PRKX: variants seen among roughly 807,000 people sequenced by gnomAD.
The protein encoded by PRKX is protein kinase cAMP-dependent X-linked catalytic subunit.
Under a neutral mutation model 22.0 loss-of-function variants are expected in PRKX, and 12 were observed. The ratio of observed to expected loss-of-function variants is 0.54; its 90% CI spans 0.35 to 0.88. The LOEUF (loss-of-function observed/expected upper bound fraction) is 0.88, where lower values mean the gene tolerates loss of function less well. Ranked by LOEUF, PRKX falls within the 40% of genes least tolerant of loss-of-function variation. The pLI, the probability that PRKX is intolerant of heterozygous loss-of-function variation, is 0.01. For missense variants in PRKX, 217 were observed against 308.0 expected (o/e 0.70, Z 2.21); for synonymous variants, 134 against 137.7 (o/e 0.97, Z 0.19).
rs1442141660 is a variant in PRKX, at chrX:3,606,741, C to A, written c.*2228G>T. 8.9e-6 allele frequency: 1 copy of A among 112,072 alleles called. No homozygotes were observed. Among genetic ancestry groups the A allele is most frequent in the Non-Finnish European group, 1.9e-5 (1 of 53,246 alleles). The allele number at this position is 112,072 out of a possible 1,213,427, so 9.2% of individuals were successfully genotyped here. ...TATAGCTCATTTTGATTAAATTAAC[C>A]TCTACATGACATTGGGCCATTTAAA... On this transcript the variant is annotated 3_prime_UTR_variant, in exon 9 of 9. Coordinates refer to ENST00000262848, the MANE Select transcript of PRKX (RefSeq NM_005044.5).
At chrX:3,612,507 C>A (rs1338672753) in intron 7 of PRKX, among the ~76,000 whole-genome samples, 182 bp from the exon 8 acceptor site, 1 of 111,891 alleles carries the variant, frequency 8.9e-6, no homozygotes, top group Non-Finnish European at 1.9e-5. Flanking sequence ...GTGAATGAGG[C>A]TGCGTGTGGG....
rs768257939 is a variant in PRKX, at chrX:3,621,460, C to CT, written c.816-145dup. ...CACTTTGGCAAAACACTTTCTAGTG[C>CT]TTATTTCCTACCATCACCGGCTCTT... On this transcript the variant is annotated intron_variant, in intron 5 of 8. Coordinates refer to ENST00000262848, the MANE Select transcript of PRKX (RefSeq NM_005044.5). 2.9e-5 allele frequency: 15 copies of CT among 519,517 alleles called. No individual in the cohort carries two copies. In the East Asian group the frequency reaches 5.3e-4, roughly 18 times the overall value. The allele number at this position is 519,517 out of a possible 1,213,427, so 42.8% of individuals were successfully genotyped here.
chrX:3,628,680 G>A (rs753260657), intron 4 of PRKX, among the ~76,000 whole-genome samples: 1 of 111,390 alleles, frequency 9.0e-6, no homozygotes, highest in Non-Finnish European at 1.9e-5. Flanking sequence ...AGGCTGCAGT[G>A]AGCTGTGATC....
At chrX:3,663,630 TAAAAAAA>T (rs780899033) in intron 2 of PRKX, among the ~76,000 whole-genome samples, 6 of 66,224 alleles carry the variant, frequency 9.1e-5, no homozygotes, top group African/African-American at 3.6e-4. Flanking sequence ...CCACATCTCT[TAAAAAAA>T]AAAAAAAAAA....
chrX:3,643,335 C>T (rs1041690421), intron 3 of PRKX, among the ~76,000 whole-genome samples: 1 of 111,773 alleles, frequency 8.9e-6, no homozygotes, highest in African/African-American at 3.3e-5. Flanking sequence ...TTGCACTCTG[C>T]AAACGGCGAG....
intron 4 of PRKX, among the ~76,000 whole-genome samples, chrX:3,634,100 A>T (rs1926839364): frequency 9.2e-6 from 1 of 109,261 alleles, no homozygotes; most frequent in South Asian, 4.1e-4. Context: ...AAATACAAAA[A>T]TTAGCCAGGC....
intron 8 of PRKX, 44 bp downstream of exon 8, chrX:3,612,133 G>A (rs778444616): frequency 5.3e-6 from 6 of 1,133,400 alleles, no homozygotes; most frequent in African/African-American, 3.6e-5. Flanking sequence ...ATGTGGGGTC[G>A]AGTCAGTCTC....
chrX:3,707,143 A>C (rs1260454208), intron 1 of PRKX, among the ~76,000 whole-genome samples: 1 of 110,963 alleles, frequency 9.0e-6, no homozygotes, highest in Non-Finnish European at 1.9e-5. Context: ...AAAAAAGCAA[A>C]AAGAAAATAA....
At chrX:3,676,438 C>T in intron 1 of PRKX, among the ~76,000 whole-genome samples, 1 of 111,689 alleles carries the variant, frequency 9.0e-6, no homozygotes, top group South Asian at 3.8e-4. Context: ...CCTGCACTCC[C>T]ATGTTTATGA....
At chrX:3,636,245 G>A (rs1165796946) in intron 4 of PRKX, among the ~76,000 whole-genome samples, 3 of 112,109 alleles carry the variant, frequency 2.7e-5, no homozygotes, top group Admixed American at 1.9e-4. Context: ...ATGGAGCTGC[G>A]ATAGGAAAGG....
At chrX:3,611,824 A>G (rs1460408999) in intron 8 of PRKX, among the ~76,000 whole-genome samples, 1 of 111,405 alleles carries the variant, frequency 9.0e-6, no homozygotes, top group Non-Finnish European at 1.9e-5. Flanking sequence ...TAATTATTCT[A>G]AGGAAGCTCG....
intron 3 of PRKX, among the ~76,000 whole-genome samples, chrX:3,643,008 A>AG: frequency 9.9e-6 from 1 of 100,845 alleles, no homozygotes; most frequent in Non-Finnish European, 2.0e-5. Flanking sequence ...CTCTCTCAAA[A>AG]AAAAAAAAAA....
chrX:3,701,565 A>T (rs1203488199), intron 1 of PRKX, among the ~76,000 whole-genome samples: 1 of 112,489 alleles, frequency 8.9e-6, no homozygotes, highest in Non-Finnish European at 1.9e-5. Flanking sequence ...GTCTCCAACC[A>T]TAAGCTAGTT....
intron 3 of PRKX, among the ~76,000 whole-genome samples, chrX:3,650,004 G>A (rs1927285062): frequency 9.1e-6 from 1 of 109,735 alleles, no homozygotes; most frequent in Non-Finnish European, 1.9e-5. Flanking sequence ...GCCAGGCAGG[G>A]TGTGCAAGCC....
intron 6 of PRKX, among the ~76,000 whole-genome samples, chrX:3,621,049 T>C (rs1161222630): frequency 2.7e-5 from 3 of 111,334 alleles, no homozygotes; most frequent in Admixed American, 1.9e-4. Flanking sequence ...CAGTTTGACG[T>C]TGTGGGCCCA....
rs1388925697 is a variant in PRKX at position 3,612,300 on chromosome X, C to G, written c.977G>C (p.Gly326Ala). ...TTCGAAGTTGGAAGTGTCGCCGTCA[C>G]CAGCTATCTTGGGCACGATGGGAGG... ...LKPPIVPKIAGDGDTSNFETY... is the reference protein window; with the variant it reads ...LKPPIVPKIAADGDTSNFETY... The change falls in exon 8 of 9, where the codon GGT (glycine) becomes GCT (alanine). Residue 326 changes from glycine to alanine, a missense_variant. Transcript: ENST00000262848. 1 of 1,210,765 alleles carries G rather than the reference C, an allele frequency of 8.3e-7. No homozygotes were observed. Among genetic ancestry groups the G allele is most frequent in the Non-Finnish European group, 1.1e-6 (1 of 895,197 alleles).
chrX:3,713,194 C>T lies in PRKX; in HGVS notation c.60G>A (p.Ala20=). The T allele has an allele frequency of 9.1e-7, 1 of 1,102,003 alleles. No individual in the cohort carries two copies. Among genetic ancestry groups the T allele is most frequent in the Non-Finnish European group, 1.2e-6 (1 of 850,567 alleles). The allele number at this position is 1,102,003 out of a possible 1,213,427, so 90.8% of individuals were successfully genotyped here. Residue 20 remains alanine (A), a synonymous_variant, in exon 1 of 9, where the codon GCG becomes GCA. Coordinates refer to ENST00000262848, the MANE Select transcript of PRKX (RefSeq NM_005044.5). ...CGGGCGCCCCGTCGGGGGTCTCCTC[C>T]GCCACCTTGCGGGAGTCGCTCTCCG... is the stretch of plus-strand genomic sequence containing the variant. ...AAAESDSRKV[A]EETPDGAPAL...
chrX:3,667,003 T>A (rs987225302), intron 2 of PRKX, among the ~76,000 whole-genome samples: 29 of 110,800 alleles, frequency 2.6e-4, no homozygotes, highest in Non-Finnish European at 4.5e-4. Flanking sequence ...TAAAGAATGT[T>A]TTCCAGCATA....
Position 3,682,773 on chromosome X carries a change from G to A in PRKX, c.167-8007C>T, listed in dbSNP as rs189873121. 7.4e-4 allele frequency among the ~76,000 whole-genome samples: 78 copies of A among 105,623 alleles called. 1 individual carries two copies. In the East Asian group the frequency reaches 0.023, roughly 32 times the overall value. 91.7% of individuals were successfully genotyped at this position (105,623 alleles called of 115,157 possible). A position where few individuals can be genotyped will look rare whatever the true frequency, so the allele number is the denominator to read the frequency against. On this transcript the variant is annotated intron_variant, in intron 1 of 8. Coordinates refer to ENST00000262848, the MANE Select transcript of PRKX (RefSeq NM_005044.5). ...AGAAACAACTGGATACAACTGTAGTGGACTGAACTATGGTCTCCCAGAAAG... is the reference window on the plus strand; with the variant it reads ...AGAAACAACTGGATACAACTGTAGTAGACTGAACTATGGTCTCCCAGAAAG...
Sources: allele counts gnomAD v4.1 joint callset (sites outside exome capture counted in the v4.1 genomes callset), GRCh38; gene constraint gnomAD v4.1.1; transcripts MANE v1.5; gene names NCBI Gene and HGNC (gene_info 2026-07-23, HGNC 2026-07-21).